NSD1: variants seen among roughly 807,000 people sequenced by gnomAD.
NSD1 encodes the protein histone-lysine N-methyltransferase, H3 lysine-36 specific.
In NSD1, 26 loss-of-function variants were observed where a neutral mutation model predicts 242.7. The ratio of observed to expected loss-of-function variants is 0.11; its 90% CI spans 0.08 to 0.15. The LOEUF is 0.15. Among genes scored for constraint, NSD1 ranks in the 10% least tolerant of loss-of-function variants. The pLI, the probability that NSD1 is intolerant of heterozygous loss-of-function variation, is 1.00. For synonymous variants in NSD1, 1,106 were observed against 1,178.1 expected, an observed-to-expected ratio of 0.94 and a Z score of 1.25; for missense variants, 2,495 against 3,272.8, an observed-to-expected ratio of 0.76 and a Z score of 5.80.
At chr5:177,245,989 A>T (rs1309991210) in intron 9 of NSD1, among the ~76,000 whole-genome samples, 2 of 138,452 alleles carry the variant, frequency 1.4e-5, no homozygotes. Context: ...TTTTTTTTTG[A>T]GATGGAGTTT....
At chr5:177,167,763 G>C (rs559974861) in intron 2 of NSD1, among the ~76,000 whole-genome samples, 3 of 152,124 alleles carry the variant, frequency 2.0e-5, no homozygotes, top group Non-Finnish European at 2.9e-5. Context: ...TTATCTGGAC[G>C]TAAGCACATA....
intron 5 of NSD1, among the ~76,000 whole-genome samples, chr5:177,218,786 G>T (rs1280654853): frequency 1.1e-4 from 16 of 151,278 alleles, no homozygotes; most frequent in Admixed American, 1.1e-3. Flanking sequence ...AGCCAGGATG[G>T]TCTCCATCTC....
chr5:177,296,025 G>A lies in NSD1; in HGVS notation c.*566G>A, dbSNP rs1486417976. The A allele has an allele frequency of 2.3e-5, 6 of 259,218 alleles. No homozygotes were observed. Among genetic ancestry groups the A allele is most frequent in the Non-Finnish European group, 4.5e-5 (6 of 133,130 alleles). The allele number at this position is 259,218 out of a possible 1,614,324, so 16.1% of individuals were successfully genotyped here. ...ACCAGGAAGTAACAGGAAGTTCTGAGGGGCCCTGGGGCTTTAGACTCATTT... is the reference window on the plus strand; with the variant it reads ...ACCAGGAAGTAACAGGAAGTTCTGAAGGGCCCTGGGGCTTTAGACTCATTT... On this transcript the variant is annotated 3_prime_UTR_variant, in exon 23 of 23. Transcript: ENST00000439151.
intron 19 of NSD1, among the ~76,000 whole-genome samples, chr5:177,283,400 G>A (rs1299504190): frequency 6.6e-6 from 1 of 152,160 alleles, no homozygotes; most frequent in Non-Finnish European, 1.5e-5. Context: ...AATCTCCTTA[G>A]GTGATTTCTA....
At position 177,238,543 on chromosome 5, in the gene NSD1, T is replaced by C; in HGVS notation, c.4192+36T>C. ...GTTGGGGTCTCAGTATTTGAGCAGA[T>C]ATGATTAGAGGAAGCAGGAGATTTT... is the stretch of plus-strand genomic sequence containing the variant. On this transcript the variant is annotated intron_variant, in intron 7 of 22. Transcript: ENST00000439151. The surrounding 1 kb of genome is among the most constrained non-coding windows in gnomAD (Gnocchi z 4.6). 1 of 1,605,754 alleles carries C rather than the reference T, an allele frequency of 6.2e-7. No individual in the cohort carries two copies. The highest frequency in any genetic ancestry group is 8.5e-7 in the Non-Finnish European group (1 of 1,178,490).
At chr5:177,147,139 T>C (rs1184630873) in intron 2 of NSD1, among the ~76,000 whole-genome samples, 1 of 152,164 alleles carries the variant, frequency 6.6e-6, no homozygotes, top group Non-Finnish European at 1.5e-5. Context: ...AGCGTCTTGC[T>C]CTGCCGCCCA....
intron 5 of NSD1, among the ~76,000 whole-genome samples, chr5:177,225,951 G>A (rs1764596117): frequency 6.6e-6 from 1 of 152,130 alleles, no homozygotes; most frequent in African/African-American, 2.4e-5. Context: ...AAATTCAACA[G>A]TATATATACG....
chr5:177,254,392 G>T (rs10056133), intron 12 of NSD1, among the ~76,000 whole-genome samples: 1 of 151,580 alleles, frequency 6.6e-6, no homozygotes, highest in Non-Finnish European at 1.5e-5. Flanking sequence ...ACAAAGTTTC[G>T]TTGTTGTTTT....
intron 20 of NSD1, among the ~76,000 whole-genome samples, chr5:177,287,063 TTC>T (rs1759395555): frequency 6.6e-6 from 1 of 152,224 alleles, no homozygotes; most frequent in Non-Finnish European, 1.5e-5. Context: ...TGTTTATCTC[TTC>T]TCTCATGCTC....
chr5:177,161,071 G>A (rs1202955649), intron 2 of NSD1, among the ~76,000 whole-genome samples: 2 of 152,024 alleles, frequency 1.3e-5, no homozygotes, highest in African/African-American at 2.4e-5. Flanking sequence ...TCCCAAAGCT[G>A]CTGCTTTGGG....
chr5:177,173,245 T>C (rs1353373647), intron 2 of NSD1, among the ~76,000 whole-genome samples: 2 of 135,302 alleles, frequency 1.5e-5, no homozygotes, highest in Non-Finnish European at 3.0e-5. Flanking sequence ...TGAGCCGAGA[T>C]AGCGCCACTG....
intron 21 of NSD1, among the ~76,000 whole-genome samples, chr5:177,289,971 G>A (rs1759663496): frequency 6.6e-6 from 1 of 151,306 alleles, no homozygotes; most frequent in South Asian, 2.1e-4. Context: ...GGAACTACAG[G>A]CGCCCGCCAC....
intron 5 of NSD1, chr5:177,221,139 C>T: frequency 2.6e-6 from 1 of 390,956 alleles, no homozygotes; most frequent in Non-Finnish European, 5.1e-6. Flanking sequence ...TCCCACAGTG[C>T]AGGGATTACA....
Position 177,137,090 on chromosome 5 carries a change from C to T in NSD1, c.927+1060C>T. On this transcript the variant is annotated intron_variant, in intron 2 of 22. Coordinates refer to ENST00000439151, the MANE Select transcript of NSD1 (RefSeq NM_022455.5). ...ATTGTTAGAGGGTGATAAATGATAA[C>T]ATTTGTTTTTATTTGAGCTTATGAA... 3 of 409,930 alleles carry T rather than the reference C, an allele frequency of 7.3e-6. No homozygotes were observed. The East Asian group carries it at 1.1e-4, about 14-fold the overall frequency. 25.4% of individuals were successfully genotyped at this position (409,930 alleles called of 1,614,324 possible).
At chr5:177,157,905 A>T (rs1268601345) in intron 2 of NSD1, among the ~76,000 whole-genome samples, 5 of 152,218 alleles carry the variant, frequency 3.3e-5, no homozygotes. Context: ...TAATGTTTTA[A>T]GGCCCATTTA....
At chr5:177,280,281 T>C (rs1758768431) in intron 17 of NSD1, among the ~76,000 whole-genome samples, 1 of 152,056 alleles carries the variant, frequency 6.6e-6, no homozygotes, top group South Asian at 2.1e-4. Context: ...CTGGCTCGTA[T>C]TTTATTTTTT....
In NSD1 at chr5:177,269,254, G is replaced by C. The variant is rs1419324398; in HGVS notation, c.5304-348G>C. 6.6e-6 allele frequency among the ~76,000 whole-genome samples: 1 copy of C among 152,066 alleles called. No individual in the cohort carries two copies. Among genetic ancestry groups the C allele is most frequent in the East Asian group, 1.9e-4 (1 of 5,200 alleles). On this transcript the variant is annotated intron_variant, in intron 15 of 22. Transcript: ENST00000439151. The surrounding 1 kb of genome is among the most constrained non-coding windows in gnomAD (Gnocchi z 5.1). The stretch of plus-strand genomic sequence containing the variant: ...CCATGGATAATACTATTATTTTCTT[G>C]ATGTTGAGCATTTATACTTTTTCCA...
intron 20 of NSD1, among the ~76,000 whole-genome samples, chr5:177,285,563 CAAAAAAAAA>C (rs772293606): frequency 1.2e-5 from 1 of 81,936 alleles, no homozygotes; most frequent in African/African-American, 4.9e-5. Flanking sequence ...GATTCCATCT[CAAAAAAAAA>C]AAAAAAAAAA....
chr5:177,236,690 C>A (rs1410603996), intron 6 of NSD1, among the ~76,000 whole-genome samples: 1 of 152,144 alleles, frequency 6.6e-6, no homozygotes, highest in Non-Finnish European at 1.5e-5. Context: ...ATCTCCTGTT[C>A]TCTGTCAAAT....
Sources: allele counts gnomAD v4.1 joint callset (sites outside exome capture counted in the v4.1 genomes callset), GRCh38; gene constraint gnomAD v4.1.1; non-coding constraint Gnocchi (gnomAD v3.1); transcripts MANE v1.5; gene names NCBI Gene and HGNC (gene_info 2026-07-23, HGNC 2026-07-21).